MAPK10: variants seen among roughly 807,000 people sequenced by gnomAD.
MAPK10 encodes the protein JNK3 alpha protein kinase.
Under a neutral mutation model 59.3 loss-of-function variants are expected in MAPK10, and 25 were observed. The ratio of observed to expected loss-of-function variants is 0.42; its 90% CI spans 0.31 to 0.59. The LOEUF (loss-of-function observed/expected upper bound fraction) is 0.59, where lower values mean the gene tolerates loss of function less well. Ranked by LOEUF, MAPK10 falls within the 20% of genes least tolerant of loss-of-function variation. The pLI is 0.15. For missense variants in MAPK10, 351 were observed against 568.9 expected, an observed-to-expected ratio of 0.62 and a Z score of 3.90; for synonymous variants, 190 against 200.5, an observed-to-expected ratio of 0.95 and a Z score of 0.44.
chr4:86,471,204 G>T (rs1752626533), intron 1 of MAPK10, among the ~76,000 whole-genome samples: 1 of 150,664 alleles, frequency 6.6e-6, no homozygotes, highest in Admixed American at 6.6e-5. Context: ...AGGAGGTGGA[G>T]GTTGCAGTGA....
intron 1 of MAPK10, among the ~76,000 whole-genome samples, chr4:86,428,577 TAGAC>T (rs1388220809): frequency 2.7e-5 from 4 of 150,274 alleles, no homozygotes; most frequent in Admixed American, 6.6e-5. Flanking sequence ...GATAGATAGA[TAGAC>T]AGATAGACAG....
chr4:86,516,430 G>A (rs562191857), intron 1 of MAPK10, among the ~76,000 whole-genome samples: 2 of 152,162 alleles, frequency 1.3e-5, no homozygotes, highest in South Asian at 4.1e-4. Flanking sequence ...AATGATGATG[G>A]TATTTGATGG....
At chr4:86,481,392 G>A (rs1753602624) in intron 1 of MAPK10, among the ~76,000 whole-genome samples, 3 of 150,550 alleles carry the variant, frequency 2.0e-5, no homozygotes, top group Non-Finnish European at 4.4e-5. Flanking sequence ...ACCCCAACAT[G>A]GCCACAGATT....
chr4:86,437,213 CAA>C (rs61312037), intron 1 of MAPK10, among the ~76,000 whole-genome samples: 70 of 80,734 alleles, frequency 8.7e-4, no homozygotes, highest in East Asian at 3.6e-3. Context: ...GACTCTGTCT[CAA>C]AAAAAAAAAA....
chr4:86,502,521 A>G (rs1755405581), intron 1 of MAPK10, among the ~76,000 whole-genome samples: 1 of 151,926 alleles, frequency 6.6e-6, no homozygotes, highest in Non-Finnish European at 1.5e-5. Context: ...GTTTCTCTTT[A>G]TATCACTCCT....
intron 1 of MAPK10, among the ~76,000 whole-genome samples, chr4:86,569,971 C>T (rs1026794901): frequency 2.6e-5 from 4 of 151,778 alleles, no homozygotes; most frequent in African/African-American, 9.7e-5. Context: ...TACTTAATTT[C>T]AAAAATAAAA....
intron 11 of MAPK10, among the ~76,000 whole-genome samples, chr4:86,052,649 T>G (rs1304566854): frequency 6.6e-6 from 1 of 152,090 alleles, no homozygotes; most frequent in African/African-American, 2.4e-5. Flanking sequence ...GCTATAAACA[T>G]TTGTTACGTT....
intron 1 of MAPK10, among the ~76,000 whole-genome samples, chr4:86,429,310 C>T (rs1747724061): frequency 6.6e-6 from 1 of 151,946 alleles, no homozygotes; most frequent in South Asian, 2.1e-4. Flanking sequence ...TTCTTATCTG[C>T]CTTGCAGAAT....
intron 1 of MAPK10, among the ~76,000 whole-genome samples, chr4:86,399,522 T>C (rs1743398746): frequency 6.6e-6 from 1 of 152,162 alleles, no homozygotes; most frequent in Non-Finnish European, 1.5e-5. Context: ...CTGTAGGTTG[T>C]CTGTTTATTC....
rs181055204 is a variant in MAPK10 at position 86,198,701 on chromosome 4, C to A, written c.-6-4294G>T. On this transcript the variant is annotated intron_variant, in intron 2 of 13. Coordinates refer to ENST00000641462, the MANE Select transcript of MAPK10 (RefSeq NM_138982.4). ...AGTCATAAATAATATATATGCTAAG[C>A]TTTGAAAAATATATTAATAAAATAA... is the stretch of plus-strand genomic sequence containing the variant. Among the ~76,000 whole-genome samples, 13 of 151,334 alleles carry A rather than the reference C, an allele frequency of 8.6e-5. No individual in the cohort carries two copies. The East Asian group carries it at 9.7e-4, about 11-fold the overall frequency.
chr4:86,442,095 T>C (rs1357592256), intron 1 of MAPK10, among the ~76,000 whole-genome samples: 1 of 152,188 alleles, frequency 6.6e-6, no homozygotes, highest in Non-Finnish European at 1.5e-5. Context: ...TTTCTCTTGA[T>C]CATCTGATCA....
intron 2 of MAPK10, among the ~76,000 whole-genome samples, chr4:86,283,989 T>C (rs2094912975): frequency 6.6e-6 from 1 of 152,184 alleles, no homozygotes; most frequent in African/African-American, 2.4e-5. Context: ...TTAAAGGTTA[T>C]GAGAAGCCGC....
chr4:86,363,482 T>C (rs1236479802), upstream of MAPK10, among the ~76,000 whole-genome samples: 1 of 152,322 alleles, frequency 6.6e-6, no homozygotes, highest in African/African-American at 2.4e-5. Flanking sequence ...TAGTTTCCTT[T>C]TTAAGCTTTT....
At chr4:86,576,710 G>A (rs998602849) in intron 1 of MAPK10, among the ~76,000 whole-genome samples, 10 of 151,766 alleles carry the variant, frequency 6.6e-5, no homozygotes, top group African/African-American at 1.9e-4. Flanking sequence ...GGGAGGCGGA[G>A]CTTGCAGTGA....
At chr4:86,319,259 G>A (rs975947811) in intron 2 of MAPK10, among the ~76,000 whole-genome samples, 1 of 152,106 alleles carries the variant, frequency 6.6e-6, no homozygotes, top group African/African-American at 2.4e-5. Flanking sequence ...GAAGGGTAAA[G>A]GGAGAAGCCG....
chr4:86,027,336 G>A (rs1750843454), intron 13 of MAPK10: 1 of 152,128 alleles, frequency 6.6e-6, no homozygotes, highest in Non-Finnish European at 1.5e-5. Flanking sequence ...TTCTCACTCA[G>A]GTAGAGCCTA....
chr4:86,238,894 G>A (rs902437126), intron 2 of MAPK10, among the ~76,000 whole-genome samples: 1 of 152,152 alleles, frequency 6.6e-6, no homozygotes, highest in South Asian at 2.1e-4. Flanking sequence ...TTGAATAGGA[G>A]CGGTGACACA....
chr4:86,514,416 C>T (rs1161240712), intron 1 of MAPK10, among the ~76,000 whole-genome samples: 2 of 152,078 alleles, frequency 1.3e-5, no homozygotes, highest in Non-Finnish European at 2.9e-5. Context: ...CTTTGTCTTC[C>T]TTTACCTCTC....
chr4:86,040,699 A>T (rs2041336977), intron 11 of MAPK10, among the ~76,000 whole-genome samples: 1 of 152,162 alleles, frequency 6.6e-6, no homozygotes, highest in African/African-American at 2.4e-5. Context: ...AAAATCAAAG[A>T]CAAAGAAAGG....
Sources: gnomAD v4.1 joint callset for allele counts (sites outside exome capture counted in the v4.1 genomes callset) on GRCh38, gnomAD v4.1.1 for gene constraint, MANE v1.5 for transcripts, NCBI Gene and HGNC (gene_info 2026-07-23, HGNC 2026-07-21) for gene names.